The following LUZP2 variants were observed in gnomAD, a reference collection of about 807,000 sequenced individuals.
LUZP2 encodes leucine zipper protein 2.
Under a neutral mutation model 51.6 loss-of-function variants are expected in LUZP2, and 52 were observed. That is an observed-to-expected ratio of 1.01 (90% confidence interval 0.81 to 1.27). The LOEUF (loss-of-function observed/expected upper bound fraction) is 1.27, where lower values mean the gene tolerates loss of function less well. Among genes scored for constraint, LUZP2 ranks in the 50% most tolerant of loss-of-function variants. The probability of loss-of-function intolerance (pLI) is 0.00; values close to 1 mark genes in which losing one functional copy is unlikely to be tolerated. For synonymous variants in LUZP2, 154 were observed against 137.3 expected (o/e 1.12, Z -0.85); for missense variants, 436 against 395.4 (o/e 1.10, Z -0.87).
At chr11:24,855,692 G>C (rs559473280) in intron 5 of LUZP2, among the ~76,000 whole-genome samples, 2 of 152,144 alleles carry the variant, frequency 1.3e-5, no homozygotes, top group African/African-American at 4.8e-5. Flanking sequence ...AAAGTGGAAG[G>C]CATCGTATTA....
chr11:24,564,797 CCT>C (rs1852163479), intron 1 of LUZP2, among the ~76,000 whole-genome samples: 1 of 152,060 alleles, frequency 6.6e-6, no homozygotes, highest in African/African-American at 2.4e-5. Flanking sequence ...CTAATAATAT[CCT>C]CTGAGACTGA....
intron 5 of LUZP2, among the ~76,000 whole-genome samples, chr11:24,769,575 T>C (rs1860324585): frequency 6.6e-6 from 1 of 151,882 alleles, no homozygotes; most frequent in Non-Finnish European, 1.5e-5. Context: ...TAGTTTCTGA[T>C]AAAATAATGA....
intron 5 of LUZP2, among the ~76,000 whole-genome samples, chr11:24,777,237 C>T (rs1271581412): frequency 6.6e-6 from 1 of 152,022 alleles, no homozygotes; most frequent in Admixed American, 6.6e-5. Context: ...TTGTGATCTG[C>T]CCGCCTCGGC....
intron 5 of LUZP2, among the ~76,000 whole-genome samples, chr11:24,901,393 A>C (rs1590708411): frequency 8.0e-6 from 1 of 125,612 alleles, no homozygotes; most frequent in Admixed American, 8.4e-5. Flanking sequence ...CCCTTACCTC[A>C]CTTCATTAAA....
intron 4 of LUZP2, among the ~76,000 whole-genome samples, chr11:24,761,719 A>G (rs998242042): frequency 6.6e-6 from 1 of 152,136 alleles, no homozygotes; most frequent in Non-Finnish European, 1.5e-5. Flanking sequence ...TTTACTTTCA[A>G]CTGTGGTTAC....
intron 5 of LUZP2, among the ~76,000 whole-genome samples, chr11:24,878,291 T>C (rs924013505): frequency 6.6e-6 from 1 of 152,108 alleles, no homozygotes; most frequent in Non-Finnish European, 1.5e-5. Context: ...CCCTTCATAT[T>C]TGAAAGATAT....
At chr11:24,722,435 T>C in intron 1 of LUZP2, among the ~76,000 whole-genome samples, 1 of 152,052 alleles carries the variant, frequency 6.6e-6, no homozygotes, top group East Asian at 1.9e-4. Context: ...ATGAGACTCA[T>C]TCACTATCAT....
chr11:25,050,217 A>T, intron 10 of LUZP2, 87 bp downstream of exon 10: 1 of 588,792 alleles, frequency 1.7e-6, no homozygotes. Flanking sequence ...TGCCACCATG[A>T]AACTATTTAT....
chr11:24,919,004 T>C (rs374068755), intron 7 of LUZP2, among the ~76,000 whole-genome samples: 231 of 64,364 alleles, frequency 3.6e-3, no homozygotes, highest in East Asian at 6.8e-3. Flanking sequence ...ATATGTATTA[T>C]ATATAGTTAT....
At chr11:24,711,570 G>C (rs1451848490) in intron 1 of LUZP2, among the ~76,000 whole-genome samples, 1 of 152,118 alleles carries the variant, frequency 6.6e-6, no homozygotes, top group Non-Finnish European at 1.5e-5. Flanking sequence ...TATGCGGATG[G>C]AGTTGTCTCG....
At chr11:24,967,258 T>C (rs1044635330) in intron 7 of LUZP2, among the ~76,000 whole-genome samples, 2 of 151,934 alleles carry the variant, frequency 1.3e-5, no homozygotes, top group Non-Finnish European at 2.9e-5. Context: ...GTTTGTATTT[T>C]ATCTGTACAT....
At chr11:24,714,927 G>T (rs576514806) in intron 1 of LUZP2, among the ~76,000 whole-genome samples, 2 of 152,232 alleles carry the variant, frequency 1.3e-5, no homozygotes, top group Non-Finnish European at 2.9e-5. Flanking sequence ...TGTCAGAAGA[G>T]CCTAGAGAGT....
rs368316870 is a variant in LUZP2, at chr11:24,887,702, C to T, written c.397-18289C>T. Among the ~76,000 whole-genome samples, 20 of 152,284 alleles carry T rather than the reference C, an allele frequency of 1.3e-4. No homozygotes were observed. The East Asian group carries it at 1.4e-3, about 10-fold the overall frequency. On this transcript the variant is annotated intron_variant, in intron 5 of 11. Coordinates refer to ENST00000336930, the MANE Select transcript of LUZP2 (RefSeq NM_001009909.4). ...ACATAAAATTATAAGAATTCGCTAC[C>T]TTCTAACTCCTATTGCTCTCTTTAG...
intron 5 of LUZP2, among the ~76,000 whole-genome samples, chr11:24,796,571 A>G (rs969816224): frequency 2.7e-4 from 38 of 141,300 alleles, no homozygotes; most frequent in Non-Finnish European, 3.8e-4. Flanking sequence ...AGCCAAAGAG[A>G]AAAAAAAAAA....
At chr11:24,984,961 A>G (rs950862756) in intron 9 of LUZP2, among the ~76,000 whole-genome samples, 1 of 151,542 alleles carries the variant, frequency 6.6e-6, no homozygotes, top group African/African-American at 2.4e-5. Flanking sequence ...TGCTTAGCTC[A>G]TTGATCTGTT....
chr11:24,843,650 G>T (rs1199758157), intron 5 of LUZP2, among the ~76,000 whole-genome samples: 1 of 152,128 alleles, frequency 6.6e-6, no homozygotes, highest in African/African-American at 2.4e-5. Flanking sequence ...CAACAAAGAA[G>T]AGTGATATGG....
At chr11:24,891,211 G>T in intron 5 of LUZP2, 2 of 984,592 alleles carry the variant, frequency 2.0e-6, no homozygotes, top group Non-Finnish European at 2.4e-6. Context: ...GCATACCCTT[G>T]TCAACTTTGG....
At chr11:24,796,591 G>T (rs749588291) in intron 5 of LUZP2, among the ~76,000 whole-genome samples, 4 of 150,298 alleles carry the variant, frequency 2.7e-5, no homozygotes, top group African/African-American at 9.7e-5. Context: ...AAAGGAAAGT[G>T]AGAGAAGAGG....
At chr11:24,599,203 A>C (rs182549832) in intron 1 of LUZP2, among the ~76,000 whole-genome samples, 6 of 152,324 alleles carry the variant, frequency 3.9e-5, no homozygotes, top group Non-Finnish European at 7.3e-5. Context: ...GGTTTAAGAA[A>C]AGATGCTGAA....
Sources: allele counts gnomAD v4.1 joint callset (sites outside exome capture counted in the v4.1 genomes callset), GRCh38; gene constraint gnomAD v4.1.1; transcripts MANE v1.5; gene names NCBI Gene and HGNC (gene_info 2026-07-23, HGNC 2026-07-21).